Variants in IGF1R observed in about 807,000 individuals in gnomAD.
IGF1R encodes the protein insulin like growth factor 1 receptor.
In IGF1R, 44 loss-of-function variants were observed where a neutral mutation model predicts 144.6. The observed-to-expected ratio is 0.30, with a 90% confidence interval of 0.24 to 0.39. The LOEUF is 0.39. IGF1R is among the 10% of genes least tolerant of loss of function. The probability of loss-of-function intolerance (pLI) is 1.00; values close to 1 mark genes in which losing one functional copy is unlikely to be tolerated. For missense variants in IGF1R, 1,355 were observed against 1,833.7 expected (o/e 0.74, Z 4.77); for synonymous variants, 795 against 722.8 (o/e 1.10, Z -1.60).
At chr15:98,771,128 G>A (rs190515646) in intron 2 of IGF1R, among the ~76,000 whole-genome samples, 2 of 152,264 alleles carry the variant, frequency 1.3e-5, no homozygotes, top group East Asian at 1.9e-4. Context: ...GGGTCTTCAC[G>A]GAGGGGGAGT....
chr15:98,890,953 A>C (rs1353382828), intron 2 of IGF1R, among the ~76,000 whole-genome samples: 1 of 152,236 alleles, frequency 6.6e-6, no homozygotes, highest in Non-Finnish European at 1.5e-5. Flanking sequence ...CTGATAAACC[A>C]TAGAGTTCCT....
intron 2 of IGF1R, among the ~76,000 whole-genome samples, chr15:98,888,579 AC>A (rs1222300200): frequency 6.6e-6 from 1 of 152,054 alleles, no homozygotes; most frequent in Admixed American, 6.5e-5. Flanking sequence ...TAAAATGCAT[AC>A]TTTTTTGGTG....
intron 11 of IGF1R, 86 bp from the exon 12 acceptor site, chr15:98,923,790 G>A (rs1234339975): frequency 5.8e-6 from 6 of 1,042,908 alleles, no homozygotes; most frequent in South Asian, 3.8e-5. Context: ...CCGTGTGGAT[G>A]GGGGGGTTAT....
At chr15:98,908,588 G>T in intron 5 of IGF1R, 97 bp from the exon 6 acceptor site, 1 of 796,964 alleles carries the variant, frequency 1.3e-6, no homozygotes. Context: ...ATGTATTGTG[G>T]AGCAGGTGGC....
At chr15:98,933,014 G>GC (rs1425038936) in intron 15 of IGF1R, among the ~76,000 whole-genome samples, 5 of 152,142 alleles carry the variant, frequency 3.3e-5, no homozygotes, top group Admixed American at 6.5e-5. Context: ...CCAGCCACAG[G>GC]CCCAGGGTCA....
intron 2 of IGF1R, among the ~76,000 whole-genome samples, chr15:98,885,143 G>A (rs2141640434): frequency 6.6e-6 from 1 of 152,272 alleles, no homozygotes; most frequent in East Asian, 1.9e-4. Context: ...CTTGCTACTG[G>A]CTCATATTCT....
intron 1 of IGF1R, among the ~76,000 whole-genome samples, chr15:98,701,570 G>A (rs914496764): frequency 1.3e-5 from 2 of 152,032 alleles, no homozygotes; most frequent in African/African-American, 2.4e-5. Flanking sequence ...TTGATCTTCT[G>A]ACCCGTGATC....
rs919900399 is a variant in IGF1R, at chr15:98,935,960, T to C, written c.3297+534T>C. 1.7e-4 allele frequency among the ~76,000 whole-genome samples: 26 copies of C among 152,324 alleles called. No individual in the cohort carries two copies. Among genetic ancestry groups the C allele is most frequent in the African/African-American group, 6.3e-4 (26 of 41,568 alleles). ...TTGTGGCAGGCACTCTGTCAATAAATGTATGTTACAGTTCAAGGTTAAGCT... is the reference window on the plus strand; with the variant it reads ...TTGTGGCAGGCACTCTGTCAATAAACGTATGTTACAGTTCAAGGTTAAGCT... On this transcript the variant is annotated intron_variant, in intron 17 of 20. Coordinates refer to ENST00000650285, the MANE Select transcript of IGF1R (RefSeq NM_000875.5). This position sits in a 1 kb window ranked among gnomAD's most constrained non-coding sequence, Gnocchi z 4.2.
rs972695181 is a variant in IGF1R, at chr15:98,959,454, C to T, written c.*2012C>T. The stretch of plus-strand genomic sequence containing the variant: ...CTTCGCACTGGCGTTGAGTGGGACC[C>T]CGGGATCCAGGCTGGCCCAGGGCGG... On this transcript the variant is annotated 3_prime_UTR_variant, in exon 21 of 21. Coordinates refer to ENST00000650285, the MANE Select transcript of IGF1R (RefSeq NM_000875.5). The T allele has an allele frequency of 4.3e-6, 1 of 233,690 alleles. No homozygotes were observed. The highest frequency in any genetic ancestry group is 2.2e-5 in the African/African-American group (1 of 45,344). 14.5% of individuals were successfully genotyped at this position (233,690 alleles called of 1,614,324 possible). A position where few individuals can be genotyped will look rare whatever the true frequency, so the allele number is the denominator to read the frequency against.
chr15:98,835,366 G>A (rs1423219351), intron 2 of IGF1R, among the ~76,000 whole-genome samples: 4 of 152,172 alleles, frequency 2.6e-5, no homozygotes, highest in African/African-American at 9.7e-5. Flanking sequence ...CGAAGTGGAA[G>A]CACTCATCTT....
At chr15:98,663,407 A>G (rs2052646729) in intron 1 of IGF1R, among the ~76,000 whole-genome samples, 1 of 152,176 alleles carries the variant, frequency 6.6e-6, no homozygotes, top group Non-Finnish European at 1.5e-5. Context: ...GTTCTCCGGA[A>G]ACTGCAGTGT....
rs1023580727 is a variant in IGF1R, at chr15:98,686,487, A to G, written c.95-21075A>G. On this transcript the variant is annotated intron_variant, in intron 1 of 20. Coordinates refer to ENST00000650285, the MANE Select transcript of IGF1R (RefSeq NM_000875.5). Reference sequence around the variant, plus strand: ...TCTATTTTTAATTTTTTGAGGAACCACTGTACTGTTTTCCATGTAGACTGC... The same window carrying G: ...TCTATTTTTAATTTTTTGAGGAACCGCTGTACTGTTTTCCATGTAGACTGC... Among the ~76,000 whole-genome samples, 5 of 152,118 alleles carry G rather than the reference A, an allele frequency of 3.3e-5. No homozygotes were observed. The East Asian group carries it at 9.6e-4, about 29-fold the overall frequency.
intron 2 of IGF1R, among the ~76,000 whole-genome samples, chr15:98,850,612 T>C (rs1339741340): frequency 6.6e-6 from 1 of 152,164 alleles, no homozygotes; most frequent in Non-Finnish European, 1.5e-5. Context: ...GAAGAAGTGA[T>C]TTTTAGACAG....
chr15:98,898,584 G>C (rs1259807050), intron 4 of IGF1R, among the ~76,000 whole-genome samples: 1 of 152,158 alleles, frequency 6.6e-6, no homozygotes, highest in Non-Finnish European at 1.5e-5. Context: ...AATTAAATTA[G>C]ATGTAGGGCT....
intron 2 of IGF1R, among the ~76,000 whole-genome samples, chr15:98,717,397 T>C (rs574807749): frequency 6.6e-6 from 1 of 152,292 alleles, no homozygotes; most frequent in Admixed American, 6.5e-5. Flanking sequence ...ATTCTGAGTC[T>C]TAAGCTGTGT....
At chr15:98,666,856 A>C (rs904161085) in intron 1 of IGF1R, among the ~76,000 whole-genome samples, 1 of 152,224 alleles carries the variant, frequency 6.6e-6, no homozygotes, top group Non-Finnish European at 1.5e-5. Context: ...AATCAGTGTC[A>C]GTGAACTATA....
rs180894687 is a variant in IGF1R at position 98,929,414 on chromosome 15, T to C, written c.2783-144T>C. The C allele has an allele frequency of 2.7e-3, 1,968 of 720,320 alleles. 8 individuals carry two copies. Among genetic ancestry groups the C allele is most frequent in the Non-Finnish European group, 3.7e-3 (1,467 of 392,058 alleles). 44.6% of individuals were successfully genotyped at this position (720,320 alleles called of 1,614,324 possible). Reference sequence around the variant, plus strand: ...TTGCCGTGTTCTATTTCTGACACCATTTACCTTCAGGAATTCTTACTGTAT... The same window carrying C: ...TTGCCGTGTTCTATTTCTGACACCACTTACCTTCAGGAATTCTTACTGTAT... On this transcript the variant is annotated intron_variant, in intron 13 of 20. Transcript: ENST00000650285.
At chr15:98,876,865 C>A (rs567009461) in intron 2 of IGF1R, among the ~76,000 whole-genome samples, 22 of 152,210 alleles carry the variant, frequency 1.4e-4, no homozygotes, top group Non-Finnish European at 2.9e-4. Context: ...TAAGAGTTTA[C>A]TTTGAAAGTC....
intron 2 of IGF1R, among the ~76,000 whole-genome samples, chr15:98,772,896 G>A (rs2055623740): frequency 1.3e-5 from 2 of 151,990 alleles, no homozygotes. Context: ...AAGGGTAAGT[G>A]GTTAGAATCA....
Sources: allele counts gnomAD v4.1 joint callset (sites outside exome capture counted in the v4.1 genomes callset), GRCh38; gene constraint gnomAD v4.1.1; non-coding constraint Gnocchi (gnomAD v3.1); transcripts MANE v1.5; gene names NCBI Gene and HGNC (gene_info 2026-07-23, HGNC 2026-07-21).